Variants in HMGCLL1 observed in about 807,000 individuals in gnomAD.
The protein encoded by HMGCLL1 is 3-hydroxymethyl-3-methylglutaryl-CoA lyase, cytoplasmic.
Under a neutral mutation model 39.1 loss-of-function variants are expected in HMGCLL1, and 36 were observed. That is an observed-to-expected ratio of 0.92 (90% CI 0.71 to 1.22). The LOEUF is 1.22. Among genes scored for constraint, HMGCLL1 ranks in the 50% most tolerant of loss-of-function variants. The pLI, the probability that HMGCLL1 is intolerant of heterozygous loss-of-function variation, is 0.00. For synonymous variants in HMGCLL1, 149 were observed against 144.0 expected, an observed-to-expected ratio of 1.03 and a Z score of -0.25; for missense variants, 451 against 416.5, an observed-to-expected ratio of 1.08 and a Z score of -0.72.
At chr6:55,608,892 C>A in the HMGCLL1 span, among the ~76,000 whole-genome samples, 1 of 152,206 alleles carries the variant, frequency 6.6e-6, no homozygotes, top group Non-Finnish European at 1.5e-5. Context: ...GTTCTGTCAT[C>A]AGGACTGATT....
Position 55,435,539 on chromosome 6 carries a change from A to T in HMGCLL1, c.*123T>A. Reference sequence around the variant, plus strand: ...TCCAGTTATAATCTTTTTGAAAAGGATCTCTTTTTTCCCACTCTTGTCCAT... The same window carrying T: ...TCCAGTTATAATCTTTTTGAAAAGGTTCTCTTTTTTCCCACTCTTGTCCAT... On this transcript the variant is annotated 3_prime_UTR_variant, in exon 9 of 9. Transcript: ENST00000274901. The T allele has an allele frequency of 2.1e-6, 1 of 483,822 alleles. No homozygotes were observed. Among genetic ancestry groups the T allele is most frequent in the Non-Finnish European group, 3.7e-6 (1 of 268,800 alleles). The allele number at this position is 483,822 out of a possible 1,614,324, so 30.0% of individuals were successfully genotyped here.
chr6:55,468,566 C>G (rs1581815606), intron 7 of HMGCLL1, among the ~76,000 whole-genome samples: 1 of 151,862 alleles, frequency 6.6e-6, no homozygotes, highest in Middle Eastern at 3.4e-3. Flanking sequence ...AGGAATGGAG[C>G]CAGTAGAGAA....
At chr6:55,455,887 G>A (rs1004980657) in intron 7 of HMGCLL1, among the ~76,000 whole-genome samples, 23 of 152,106 alleles carry the variant, frequency 1.5e-4, no homozygotes, top group Admixed American at 4.6e-4. Context: ...CTATGAATAC[G>A]TACTGAAGTT....
At chr6:55,462,625 AATAATT>A (rs762196785) in intron 7 of HMGCLL1, among the ~76,000 whole-genome samples, 6 of 152,238 alleles carry the variant, frequency 3.9e-5, no homozygotes, top group Non-Finnish European at 8.8e-5. Flanking sequence ...AGAGCATGCA[AATAATT>A]ATTAGACTTA....
At chr6:55,499,953 A>T (rs1766788301) in intron 5 of HMGCLL1, among the ~76,000 whole-genome samples, 1 of 152,114 alleles carries the variant, frequency 6.6e-6, no homozygotes, top group Admixed American at 6.6e-5. Flanking sequence ...GCAAAGACAA[A>T]CATCCATTTC....
At chr6:55,664,148 A>T in the HMGCLL1 span, among the ~76,000 whole-genome samples, 4 of 151,768 alleles carry the variant, frequency 2.6e-5, no homozygotes, top group African/African-American at 9.7e-5. Context: ...TGCCTTTTAG[A>T]TGGGGCATTT....
intron 7 of HMGCLL1, among the ~76,000 whole-genome samples, chr6:55,485,271 A>G (rs1765963520): frequency 6.6e-6 from 1 of 151,930 alleles, no homozygotes; most frequent in African/African-American, 2.4e-5. Context: ...TTTATCGCCA[A>G]TTAATATGCT....
the HMGCLL1 span, among the ~76,000 whole-genome samples, chr6:55,657,043 T>C: frequency 5.9e-5 from 9 of 151,768 alleles, no homozygotes; most frequent in African/African-American, 1.9e-4. Flanking sequence ...TTTATGGGGG[T>C]TTTGTTGTTT....
chr6:55,497,047 A>G (rs1447719506), intron 6 of HMGCLL1, among the ~76,000 whole-genome samples: 2 of 152,148 alleles, frequency 1.3e-5, no homozygotes, highest in Admixed American at 6.6e-5. Context: ...GCTCATAAAT[A>G]TATATACTTT....
chr6:55,614,935 GT>G, the HMGCLL1 span, among the ~76,000 whole-genome samples: 1 of 151,990 alleles, frequency 6.6e-6, no homozygotes, highest in Non-Finnish European at 1.5e-5. Context: ...GAGGCCAAGA[GT>G]TTGAAAGCAG....
At chr6:55,663,132 C>A in the HMGCLL1 span, among the ~76,000 whole-genome samples, 1 of 151,258 alleles carries the variant, frequency 6.6e-6, no homozygotes, top group Non-Finnish European at 1.5e-5. Context: ...AAAACATACT[C>A]CTGAACTCAT....
At chr6:55,575,298 T>C (rs1445423840) in intron 1 of HMGCLL1, among the ~76,000 whole-genome samples, 1 of 152,090 alleles carries the variant, frequency 6.6e-6, no homozygotes, top group Non-Finnish European at 1.5e-5. Flanking sequence ...ATTTAATTAG[T>C]GGACCTGTGA....
At chr6:55,442,115 C>T (rs926518375) in intron 7 of HMGCLL1, among the ~76,000 whole-genome samples, 6 of 152,008 alleles carry the variant, frequency 3.9e-5, no homozygotes, top group East Asian at 3.9e-4. Context: ...TAAATTATGA[C>T]GGCTGGTATT....
chr6:55,520,433 T>G (rs1419642643), intron 3 of HMGCLL1, among the ~76,000 whole-genome samples: 1 of 151,936 alleles, frequency 6.6e-6, no homozygotes, highest in Non-Finnish European at 1.5e-5. Flanking sequence ...TTAAAAGTGC[T>G]CACAATATAA....
At chr6:55,536,493 T>C (rs192860685) in intron 3 of HMGCLL1, among the ~76,000 whole-genome samples, 1 of 152,340 alleles carries the variant, frequency 6.6e-6, no homozygotes, top group Admixed American at 6.5e-5. Context: ...ATTATTGTAT[T>C]TACAGTTTAA....
At chr6:55,650,148 C>A in the HMGCLL1 span, among the ~76,000 whole-genome samples, 27 of 84,294 alleles carry the variant, frequency 3.2e-4, 1 homozygote, top group African/African-American at 1.0e-3. Context: ...CACACACACA[C>A]ATATGTATAT....
chr6:55,573,476 G>T (rs879740753), intron 1 of HMGCLL1, among the ~76,000 whole-genome samples: 1 of 152,118 alleles, frequency 6.6e-6, no homozygotes, highest in Non-Finnish European at 1.5e-5. Flanking sequence ...GAGAATTGTG[G>T]CAGAGAACTG....
Position 55,521,789 on chromosome 6 carries a change from T to C in HMGCLL1, c.298-5186A>G, listed in dbSNP as rs969784950. ...GCCTATTAACAACCTTAAAATGGCC[T>C]GTAATGTTCAAGTGAAAGGAAGACT... On this transcript the variant is annotated intron_variant, in intron 3 of 8. Coordinates refer to ENST00000274901, the MANE Select transcript of HMGCLL1 (RefSeq NM_001042406.2). Among the ~76,000 whole-genome samples, 2 of 152,032 alleles carry C rather than the reference T, an allele frequency of 1.3e-5. 1 individual carries two copies. The highest frequency in any genetic ancestry group is 4.8e-5 in the African/African-American group (2 of 41,428).
At chr6:55,508,198 C>T (rs1160454733) in intron 5 of HMGCLL1, among the ~76,000 whole-genome samples, 1 of 151,802 alleles carries the variant, frequency 6.6e-6, no homozygotes, top group Non-Finnish European at 1.5e-5. Flanking sequence ...CATGAATTCT[C>T]CCCTTACCTC....
Sources: allele counts gnomAD v4.1 joint callset (sites outside exome capture counted in the v4.1 genomes callset), GRCh38; gene constraint gnomAD v4.1.1; transcripts MANE v1.5; gene names NCBI Gene and HGNC (gene_info 2026-07-23, HGNC 2026-07-21).